Variants in CD109 observed in about 807,000 individuals in gnomAD.
CD109 encodes CD109 molecule.
Under a neutral mutation model 165.8 loss-of-function variants are expected in CD109, and 149 were observed. The observed-to-expected ratio is 0.90, with a 90% CI of 0.79 to 1.03. The LOEUF is 1.03. Among genes scored for constraint, CD109 ranks in the 50% least tolerant of loss-of-function variants. The pLI is 0.00. For synonymous variants in CD109, 585 were observed against 592.1 expected (o/e 0.99, Z 0.18); for missense variants, 1,712 against 1,677.8 (o/e 1.02, Z -0.36).
chr6:73,771,981 A>G (rs1241221141), intron 15 of CD109, among the ~76,000 whole-genome samples: 1 of 152,220 alleles, frequency 6.6e-6, no homozygotes, highest in Admixed American at 6.5e-5. Flanking sequence ...TAATTAGCTT[A>G]ATCATTCCAC....
intron 18 of CD109, among the ~76,000 whole-genome samples, 170 bp from the exon 19 acceptor site, chr6:73,783,537 G>A (rs577287325): frequency 6.6e-6 from 1 of 152,318 alleles, no homozygotes; most frequent in South Asian, 2.1e-4. Flanking sequence ...TCTTTGAAAA[G>A]TTGGGATTTA....
Position 73,759,615 on chromosome 6 carries a change from A to G in CD109, c.758+587A>G, listed in dbSNP as rs541446361. 6.6e-5 allele frequency among the ~76,000 whole-genome samples: 10 copies of G among 152,350 alleles called. No individual in the cohort carries two copies. In the South Asian group the frequency reaches 1.9e-3, roughly 28 times the overall value. On this transcript the variant is annotated intron_variant, in intron 7 of 32. Coordinates refer to ENST00000287097, the MANE Select transcript of CD109 (RefSeq NM_133493.5). ...AACCAGCTTGGTGTTTGGAAAACTA[A>G]ATCTGCTTCACATTAAAGTCAAAAT...
At chr6:73,818,086 A>G (rs748232051) in intron 30 of CD109, among the ~76,000 whole-genome samples, 7 of 152,134 alleles carry the variant, frequency 4.6e-5, no homozygotes, top group Non-Finnish European at 1.0e-4. Context: ...GTCTGTTGAA[A>G]GGATGTATAT....
intron 24 of CD109, among the ~76,000 whole-genome samples, chr6:73,806,530 ATAAAAT>A (rs1036434211): frequency 1.8e-4 from 28 of 152,256 alleles, no homozygotes; most frequent in African/African-American, 6.5e-4. Flanking sequence ...ATAAAATAAA[ATAAAAT>A]TAAATTAAAA....
At chr6:73,748,786 T>G (rs1773077285) in intron 5 of CD109, among the ~76,000 whole-genome samples, 1 of 152,204 alleles carries the variant, frequency 6.6e-6, no homozygotes, top group Non-Finnish European at 1.5e-5. Flanking sequence ...CACAGGTGTT[T>G]AGACTCTAAA....
intron 30 of CD109, among the ~76,000 whole-genome samples, chr6:73,817,868 C>T (rs1420475032): frequency 1.3e-5 from 2 of 152,122 alleles, no homozygotes; most frequent in Non-Finnish European, 2.9e-5. Flanking sequence ...TATGGGAGAA[C>T]AAAGGGATGG....
At chr6:73,729,515 ATTATTATTAT>A (rs1247116753) in intron 3 of CD109, among the ~76,000 whole-genome samples, 1 of 148,340 alleles carries the variant, frequency 6.7e-6, no homozygotes, top group African/African-American at 2.5e-5. Flanking sequence ...TATTATTATT[ATTATTATTAT>A]TATTATTATT....
chr6:73,799,283 A>G (rs946135047), intron 23 of CD109, among the ~76,000 whole-genome samples: 1 of 152,220 alleles, frequency 6.6e-6, no homozygotes, highest in African/African-American at 2.4e-5. Context: ...TGTTTTGAAC[A>G]TGTAGAACAT....
At position 73,722,182 on chromosome 6, in the gene CD109, G is replaced by A. The variant is rs571889141; in HGVS notation, c.248-1069G>A. Reference sequence around the variant, plus strand: ...AAATTTGAAGACTACGTCTATAGGGGCATATGACATCCTCAATGGAAAACT... The same window carrying A: ...AAATTTGAAGACTACGTCTATAGGGACATATGACATCCTCAATGGAAAACT... On this transcript the variant is annotated intron_variant, in intron 2 of 32. Transcript: ENST00000287097. 5.9e-5 allele frequency among the ~76,000 whole-genome samples: 9 copies of A among 152,234 alleles called. No individual in the cohort carries two copies. In the East Asian group the frequency reaches 1.5e-3, roughly 26 times the overall value.
intron 2 of CD109, among the ~76,000 whole-genome samples, chr6:73,709,487 G>GT (rs987209516): frequency 3.6e-4 from 55 of 152,218 alleles, no homozygotes; most frequent in African/African-American, 1.3e-3. Flanking sequence ...AATGTGAGTT[G>GT]TTTTTTGGTT....
rs891897810 is a variant in CD109 at position 73,806,428 on chromosome 6, G to A, written c.2961-416G>A. On this transcript the variant is annotated intron_variant, in intron 24 of 32. Transcript: ENST00000287097. ...CCTAATGTAAATGACGCGTTAATGG[G>A]TGCAGCACACCAACATGGCACATGT... Among the ~76,000 whole-genome samples, 6 of 152,040 alleles carry A rather than the reference G, an allele frequency of 3.9e-5. 1 individual carries two copies. Among genetic ancestry groups the A allele is most frequent in the Non-Finnish European group, 7.4e-5 (5 of 68,016 alleles).
chr6:73,789,759 CTT>C lies in CD109; in HGVS notation c.2701+1162_2701+1163del, dbSNP rs59475224. On this transcript the variant is annotated intron_variant, in intron 22 of 32. Transcript: ENST00000287097. ...ACAGGCGTGAGCCACCGCGCCCGGC[CTT>C]TTTTTTTTTTTTTTCCTTTGATGGA... Among the ~76,000 whole-genome samples, 291 of 131,688 alleles carry C rather than the reference CTT, an allele frequency of 2.2e-3. 2 individuals are homozygous for C. The highest frequency in any genetic ancestry group is 6.7e-3 in the African/African-American group (232 of 34,452). The allele number at this position is 131,688 out of a possible 152,430, so 86.4% of individuals were successfully genotyped here. A position where few individuals can be genotyped will look rare whatever the true frequency, so the allele number is the denominator to read the frequency against.
chr6:73,792,278 A>C lies in CD109; in HGVS notation c.2702-348A>C, dbSNP rs1286202191. On this transcript the variant is annotated intron_variant, in intron 22 of 32. Transcript: ENST00000287097. ...GTTTGCGTGAAGAATACTACTAATAAAATGTTTCTTTCCTGTATGAGTGAT... is the reference window on the plus strand; with the variant it reads ...GTTTGCGTGAAGAATACTACTAATACAATGTTTCTTTCCTGTATGAGTGAT... Among the ~76,000 whole-genome samples, 8 of 152,290 alleles carry C rather than the reference A, an allele frequency of 5.3e-5. 1 individual carries two copies. Among genetic ancestry groups the C allele is most frequent in the South Asian group, 4.1e-4 (2 of 4,822 alleles).
Position 73,762,849 on chromosome 6 carries a change from G to C in CD109, c.964G>C (p.Glu322Gln). The change falls in exon 9 of 33, where the codon GAA (glutamate) becomes CAA (glutamine). Residue 322 changes from glutamate (E) to glutamine (Q), a missense_variant. By Grantham distance (29) the Glu-to-Gln change is conservative. Coordinates refer to ENST00000287097, the MANE Select transcript of CD109 (RefSeq NM_133493.5). ...YLDLSSPGPVEILTTVTESVT... is the reference protein window; with the variant it reads ...YLDLSSPGPVQILTTVTESVT... ...GGATCTATCTTCCCCTGGACCAGTA[G>C]AAATTTTAACCACAGTGACAGAATC... 1 of 1,612,332 alleles carries C rather than the reference G, an allele frequency of 6.2e-7. No individual in the cohort carries two copies.
chr6:73,781,477 T>G (rs1372139862), intron 17 of CD109, among the ~76,000 whole-genome samples, 158 bp downstream of exon 17: 1 of 152,126 alleles, frequency 6.6e-6, no homozygotes, highest in Non-Finnish European at 1.5e-5. Context: ...TACTTAGAAG[T>G]ACATCTGGGC....
chr6:73,805,072 C>G (rs532118791), intron 24 of CD109, among the ~76,000 whole-genome samples: 3 of 152,308 alleles, frequency 2.0e-5, no homozygotes, highest in Non-Finnish European at 4.4e-5. Flanking sequence ...CTAGTTCAAC[C>G]ATTGTGGAAG....
At chr6:73,759,570 C>T (rs1208652900) in intron 7 of CD109, among the ~76,000 whole-genome samples, 1 of 152,136 alleles carries the variant, frequency 6.6e-6, no homozygotes, top group Non-Finnish European at 1.5e-5. Context: ...ATAATTGTAT[C>T]TTTGTTTCAC....
intron 25 of CD109, 36 bp from the exon 26 acceptor site, chr6:73,808,047 T>A: frequency 6.3e-7 from 1 of 1,595,442 alleles, no homozygotes; most frequent in Non-Finnish European, 8.6e-7. Context: ...AATGGGTTAC[T>A]CTGAATAGTA....
At chr6:73,786,629 G>C (rs958240563) in intron 20 of CD109, among the ~76,000 whole-genome samples, 2 of 151,922 alleles carry the variant, frequency 1.3e-5, no homozygotes, top group African/African-American at 4.8e-5. Flanking sequence ...ACCCACAAAA[G>C]ATACCTTGAG....
Sources: gnomAD v4.1 joint callset for allele counts (sites outside exome capture counted in the v4.1 genomes callset) on GRCh38, gnomAD v4.1.1 for gene constraint, MANE v1.5 for transcripts, NCBI Gene and HGNC (gene_info 2026-07-23, HGNC 2026-07-21) for gene names.